ZBTB7A: variants seen among roughly 807,000 people sequenced by gnomAD.
ZBTB7A encodes the protein zinc finger and BTB domain containing 7A.
In ZBTB7A, 7 loss-of-function variants were observed where a neutral mutation model predicts 26.7. The observed-to-expected ratio is 0.26, with a 90% CI of 0.15 to 0.49. The LOEUF (loss-of-function observed/expected upper bound fraction) is 0.49, where lower values mean the gene tolerates loss of function less well. Among genes scored for constraint, ZBTB7A ranks in the 20% least tolerant of loss-of-function variants. The pLI is 0.98. For missense variants in ZBTB7A, 617 were observed against 919.5 expected (o/e 0.67, Z 4.25); for synonymous variants, 452 against 441.0 (o/e 1.02, Z -0.31).
chr19:4,050,070 C>A lies in ZBTB7A; in HGVS notation c.1263-1826G>T, dbSNP rs552883052. Among the ~76,000 whole-genome samples, 587 of 152,082 alleles carry A rather than the reference C, an allele frequency of 3.9e-3. 5 individuals are homozygous for A. Among genetic ancestry groups the A allele is most frequent in the African/African-American group, 0.014 (569 of 41,496 alleles). On this transcript the variant is annotated intron_variant, in intron 2 of 2. Coordinates refer to ENST00000322357, the MANE Select transcript of ZBTB7A (RefSeq NM_015898.4). ...TCCCAAGTAGCTGGGATTACAGGCC[C>A]TCTGCCACCACACCTGGCTCATTTT... is the stretch of plus-strand genomic sequence containing the variant.
At chr19:4,050,722 G>C (rs957813448) in intron 2 of ZBTB7A, among the ~76,000 whole-genome samples, 1 of 152,150 alleles carries the variant, frequency 6.6e-6, no homozygotes, top group African/African-American at 2.4e-5. Context: ...CATCTACTGG[G>C]TTAGGTAAAA....
At chr19:4,066,153 CT>C (rs1293893934) in intron 1 of ZBTB7A, among the ~76,000 whole-genome samples, 2 of 138,122 alleles carry the variant, frequency 1.4e-5, no homozygotes, top group African/African-American at 5.3e-5. Flanking sequence ...CACCCCACCC[CT>C]TCCCCCTCCT....
rs889860921 is a variant in ZBTB7A at position 4,043,967 on chromosome 19, A to T, written c.*3785T>A. Among the ~76,000 whole-genome samples the T allele has an allele frequency of 6.7e-5, 10 of 149,860 alleles. No individual in the cohort carries two copies. Among genetic ancestry groups the T allele is most frequent in the African/African-American group, 2.5e-4 (10 of 39,638 alleles). On this transcript the variant is annotated 3_prime_UTR_variant, in exon 3 of 3. Coordinates refer to ENST00000322357, the MANE Select transcript of ZBTB7A (RefSeq NM_015898.4). ...TTTTTGCTTTTTTTGTTGGTTTTTA[A>T]TATTTTTTTTTCTTCTGTTTTTCCT...
At position 4,054,255 on chromosome 19, in the gene ZBTB7A, C is replaced by A. The variant is rs755705227; in HGVS notation, c.978G>T (p.Ser326=). 3 of 1,576,034 alleles carry A rather than the reference C, an allele frequency of 1.9e-6. No homozygotes were observed. The highest frequency in any genetic ancestry group is 2.7e-5 in the African/African-American group (2 of 74,400). ...CCGCCGCGGCCCCCGCCCGGCCCAC[C>A]GATGACATCATCTGCTGCAGCAGCG... ...ASTLLQQMMS[S]VGRAGAAAGD... is the part of the protein sequence containing the mutation. The change falls in exon 2 of 3, where the codon TCG becomes TCT. Residue 326 remains serine, a synonymous_variant. Coordinates refer to ENST00000322357, the MANE Select transcript of ZBTB7A (RefSeq NM_015898.4).
intron 1 of ZBTB7A, among the ~76,000 whole-genome samples, chr19:4,059,843 GCCCAGC>G (rs2040620920): frequency 6.6e-6 from 1 of 152,164 alleles, no homozygotes. Context: ...GGGAGGCCGG[GCCCAGC>G]CAGAGCACCC....
At chr19:4,051,607 A>G (rs1399883512) in intron 2 of ZBTB7A, among the ~76,000 whole-genome samples, 1 of 152,164 alleles carries the variant, frequency 6.6e-6, no homozygotes, top group Non-Finnish European at 1.5e-5. Context: ...TAACTTGCTA[A>G]CAGAACCCTG....
In ZBTB7A at chr19:4,046,176, CG is replaced by C. The variant is rs1032350770; in HGVS notation, c.*1575del. 18 of 396,826 alleles carry C rather than the reference CG, an allele frequency of 4.5e-5. No individual in the cohort carries two copies. Among genetic ancestry groups the C allele is most frequent in the African/African-American group, 1.9e-4 (9 of 48,428 alleles). The allele number at this position is 396,826 out of a possible 1,614,324, so 24.6% of individuals were successfully genotyped here. On this transcript the variant is annotated 3_prime_UTR_variant, in exon 3 of 3. Transcript: ENST00000322357. Reference sequence around the variant, plus strand: ...CAAAAAAGGGGACAGAAAGGGGGAGCGGGGGGAACACAGCACGAACACCCCA... The same window carrying C: ...CAAAAAAGGGGACAGAAAGGGGGAGCGGGGGAACACAGCACGAACACCCCA...
chr19:4,054,368 C>CG lies in ZBTB7A; in HGVS notation c.864dup (p.Glu289ArgfsTer251). The stretch of plus-strand genomic sequence containing the variant: ...AGGAAGCCCGGAGAGTCGCCCGGCT[C>CG]GGGGGCCGCCTCCGACAGCGAGGCG... On this transcript the variant is annotated frameshift_variant, in exon 2 of 3. Coordinates refer to ENST00000322357, the MANE Select transcript of ZBTB7A (RefSeq NM_015898.4). LOFTEE classifies it high-confidence loss of function. 6.9e-7 allele frequency: 1 copy of CG among 1,452,926 alleles called. No homozygotes were observed. 90.0% of individuals were successfully genotyped at this position (1,452,926 alleles called of 1,614,324 possible).
At chr19:4,053,876 T>G (rs1228164547) in intron 2 of ZBTB7A, 95 bp downstream of exon 2, 12 of 1,418,312 alleles carry the variant, frequency 8.5e-6, no homozygotes, top group Non-Finnish European at 1.1e-5. Context: ...CGTGCATGTG[T>G]GCGTGCGGTG....
Position 4,054,905 on chromosome 19 carries a change from C to A in ZBTB7A, c.328G>T (p.Ala110Ser), listed in dbSNP as rs1415515551. The stretch of plus-strand genomic sequence containing the variant: ...GCGGGGATCTCCAGCAGGCGGGCGG[C>A]GCTGAGGATGTCACCCACGTTGGCT... The part of the protein sequence containing the change: ...STANVGDILS[A>S]ARLLEIPAVS... The change falls in exon 2 of 3, where the codon GCC becomes TCC. Residue 110 changes from alanine to serine, a missense_variant. Physicochemically the swap from Ala to Ser is moderately conservative, Grantham distance 99. This residue lies in a region of ZBTB7A where 82 missense variants were observed against 195.2 expected (regional missense o/e 0.42). Transcript: ENST00000322357. 1 of 1,608,336 alleles carries A rather than the reference C, an allele frequency of 6.2e-7. No homozygotes were observed. The highest frequency in any genetic ancestry group is 8.5e-7 in the Non-Finnish European group (1 of 1,178,218).
In ZBTB7A at chr19:4,047,680, G is replaced by T; in HGVS notation, c.*72C>A. On this transcript the variant is annotated 3_prime_UTR_variant, in exon 3 of 3. Coordinates refer to ENST00000322357, the MANE Select transcript of ZBTB7A (RefSeq NM_015898.4). ...ATTTTCTTTTTTTGTGTTTTTGGGG[G>T]GGTGGTGGGTGATTTTTTTTCTCTC... 6.6e-7 allele frequency: 1 copy of T among 1,520,082 alleles called. No homozygotes were observed. Among genetic ancestry groups the T allele is most frequent in the Non-Finnish European group, 8.8e-7 (1 of 1,134,924 alleles). 94.2% of individuals were successfully genotyped at this position (1,520,082 alleles called of 1,614,324 possible).
intron 1 of ZBTB7A, among the ~76,000 whole-genome samples, chr19:4,061,134 G>A (rs1036981743): frequency 1.3e-5 from 2 of 152,198 alleles, no homozygotes; most frequent in African/African-American, 4.8e-5. Context: ...GTGCGCCAGA[G>A]CCAGTCCCCA....
At chr19:4,050,307 T>C (rs7252911) in intron 2 of ZBTB7A, among the ~76,000 whole-genome samples, 73 of 152,156 alleles carry the variant, frequency 4.8e-4, no homozygotes, top group African/African-American at 1.8e-3. Flanking sequence ...GTGATCCGCC[T>C]GCCTCGGCCT....
chr19:4,059,841 G>A (rs560648153), intron 1 of ZBTB7A, among the ~76,000 whole-genome samples: 10 of 152,266 alleles, frequency 6.6e-5, no homozygotes, highest in African/African-American at 2.2e-4. Flanking sequence ...AGGGGAGGCC[G>A]GGCCCAGCCA....
intron 1 of ZBTB7A, among the ~76,000 whole-genome samples, chr19:4,058,732 G>T (rs970747864): frequency 6.6e-6 from 1 of 152,318 alleles, no homozygotes; most frequent in African/African-American, 2.4e-5. Flanking sequence ...CGACGGGCTT[G>T]AGCCAGGCCC....
At position 4,045,722 on chromosome 19, in the gene ZBTB7A, A is replaced by G; in HGVS notation, c.*2030T>C. ...TCGGGGTCCCATGCTAGCATTGCAT[A>G]TGCAAACGGGGTGAGGGCGTCCTGG... On this transcript the variant is annotated 3_prime_UTR_variant, in exon 3 of 3. Transcript: ENST00000322357. The surrounding 1 kb of genome is among the most constrained non-coding windows in gnomAD (Gnocchi z 4.1). 2 of 395,022 alleles carry G rather than the reference A, an allele frequency of 5.1e-6. No individual in the cohort carries two copies. Among genetic ancestry groups the G allele is most frequent in the Non-Finnish European group, 8.9e-6 (2 of 224,248 alleles). 24.5% of individuals were successfully genotyped at this position (395,022 alleles called of 1,614,324 possible).
intron 2 of ZBTB7A, among the ~76,000 whole-genome samples, chr19:4,053,660 C>A (rs537075261): frequency 2.3e-4 from 33 of 145,770 alleles, no homozygotes; most frequent in African/African-American, 8.0e-4. Context: ...TGTAGCATGT[C>A]TGTATGTGTA....
intron 1 of ZBTB7A, among the ~76,000 whole-genome samples, chr19:4,060,438 A>T (rs1446556294): frequency 1.3e-5 from 2 of 152,176 alleles, no homozygotes; most frequent in Admixed American, 6.5e-5. Flanking sequence ...GTGCTCCCAA[A>T]CTAACTGGGC....
At chr19:4,066,065 G>C (rs565157098) in intron 1 of ZBTB7A, among the ~76,000 whole-genome samples, 1 of 148,776 alleles carries the variant, frequency 6.7e-6, no homozygotes, top group African/African-American at 2.5e-5. Flanking sequence ...AGTCCAAGCC[G>C]CTTGCCACCT....
Sources: allele counts gnomAD v4.1 joint callset (sites outside exome capture counted in the v4.1 genomes callset), GRCh38; gene constraint gnomAD v4.1.1; regional missense constraint gnomAD v4.1.1; non-coding constraint Gnocchi (gnomAD v3.1); transcripts MANE v1.5; gene names NCBI Gene and HGNC (gene_info 2026-07-23, HGNC 2026-07-21).